ZNF676: variants seen among roughly 807,000 people sequenced by gnomAD.
ZNF676 encodes the protein zinc finger protein 676.
In ZNF676, 4 loss-of-function variants were observed where a neutral mutation model predicts 6.0. That is an observed-to-expected ratio of 0.67 (90% CI 0.33 to 1.53). The LOEUF (loss-of-function observed/expected upper bound fraction) is 1.53. ZNF676 is among the 40% of genes most tolerant of loss of function. ZNF676 has a pLI of 0.06. For missense variants in ZNF676, 644 were observed against 679.7 expected, an observed-to-expected ratio of 0.95 and a Z score of 0.58; for synonymous variants, 198 against 223.1, an observed-to-expected ratio of 0.89 and a Z score of 1.00.
At chr19:22,216,716 T>C (rs2024195450), upstream of ZNF676, among the ~76,000 whole-genome samples, 1 of 151,626 alleles carries the variant, frequency 6.6e-6, no homozygotes, top group South Asian at 2.1e-4. Flanking sequence ...CCTCCCTCTC[T>C]GGGTTCAAGC....
chr19:22,212,455 CT>C (rs1041227010), intron 1 of ZNF676, among the ~76,000 whole-genome samples: 33 of 152,140 alleles, frequency 2.2e-4, no homozygotes, highest in African/African-American at 7.7e-4. Context: ...AATCCCAGCA[CT>C]TTGGGAGGCC....
the ZNF676 span, among the ~76,000 whole-genome samples, chr19:22,241,447 T>C: frequency 1.4e-4 from 22 of 151,972 alleles, no homozygotes; most frequent in African/African-American, 5.1e-4. Flanking sequence ...CACCTATGGA[T>C]CAGAGCCACA....
intron 2 of ZNF676, among the ~76,000 whole-genome samples, chr19:22,185,326 T>A (rs954937707): frequency 6.6e-6 from 1 of 151,966 alleles, no homozygotes; most frequent in Non-Finnish European, 1.5e-5. Flanking sequence ...AAGCAACATC[T>A]ACAAAAAGGA....
intron 1 of ZNF676, among the ~76,000 whole-genome samples, chr19:22,210,091 T>A (rs2024114709): frequency 1.3e-5 from 2 of 152,118 alleles, no homozygotes; most frequent in Non-Finnish European, 2.9e-5. Context: ...AGACCTGGAA[T>A]CAAAGAACAA....
intron 1 of ZNF676, among the ~76,000 whole-genome samples, chr19:22,194,790 G>T (rs2023949985): frequency 6.6e-6 from 1 of 152,022 alleles, no homozygotes; most frequent in African/African-American, 2.4e-5. Context: ...CCCAGTTCAG[G>T]CCACAACCCC....
chr19:22,236,916 C>T, the ZNF676 span, among the ~76,000 whole-genome samples: 1 of 152,176 alleles, frequency 6.6e-6, no homozygotes, highest in Non-Finnish European at 1.5e-5. Context: ...TGAGTGCCAC[C>T]ACTTGGCCCC....
upstream of ZNF676, among the ~76,000 whole-genome samples, chr19:22,197,245 C>A (rs1181597453): frequency 6.6e-6 from 1 of 151,634 alleles, no homozygotes; most frequent in African/African-American, 2.4e-5. Context: ...TTGCTTGAAC[C>A]CAGGAGGCGG....
the ZNF676 span, among the ~76,000 whole-genome samples, chr19:22,225,812 T>G: frequency 6.6e-6 from 1 of 152,188 alleles, no homozygotes; most frequent in South Asian, 2.1e-4. Flanking sequence ...TTGTTCAGTT[T>G]TAAGAGTTGC....
chr19:22,181,669 T>C, intron 2 of ZNF676, 83 bp from the exon 3 acceptor site: 2 of 1,084,602 alleles, frequency 1.8e-6, no homozygotes, highest in African/African-American at 3.2e-5. Flanking sequence ...ATAAAATTAT[T>C]CAAACTACAT....
chr19:22,230,991 A>C, the ZNF676 span, among the ~76,000 whole-genome samples: 1 of 152,078 alleles, frequency 6.6e-6, no homozygotes, highest in African/African-American at 2.4e-5. Context: ...TCTTGGATAG[A>C]TATTCACATA....
rs779894156 is a variant in ZNF676, at chr19:22,180,342, T to C, written c.1375A>G (p.Thr459Ala). The C allele has an allele frequency of 1.2e-6, 2 of 1,614,020 alleles. No homozygotes were observed. Among genetic ancestry groups the C allele is most frequent in the African/African-American group, 1.3e-5 (1 of 75,046 alleles). ...TGTTTAGTAAAGCTTGAGGACCAGG[T>C]GAAGGCTTTGCCACATTCTTCACAT... The part of the protein sequence containing the change: ...YKCEECGKAF[T>A]WSSSFTKHKR... The change falls in exon 3 of 3, where the codon ACC becomes GCC. Residue 459 changes from threonine (T) to alanine (A), a missense_variant. Physicochemically the swap from Thr to Ala is moderately conservative, Grantham distance 58. This residue lies in a region of ZNF676 where 306 missense variants were observed against 265.4 expected (regional missense o/e 1.15). Transcript: ENST00000397121.
At chr19:22,247,531 T>G in the ZNF676 span, among the ~76,000 whole-genome samples, 12 of 150,468 alleles carry the variant, frequency 8.0e-5, no homozygotes, top group Admixed American at 2.0e-4. Context: ...ACCATTGCAC[T>G]CCAGCCTGGG....
chr19:22,182,914 T>C (rs1463675481), intron 2 of ZNF676, among the ~76,000 whole-genome samples: 1 of 152,090 alleles, frequency 6.6e-6, no homozygotes. Context: ...CTCTAACATT[T>C]GAGAGATAAA....
chr19:22,191,725 G>A (rs1407671322), intron 2 of ZNF676, among the ~76,000 whole-genome samples: 3 of 152,160 alleles, frequency 2.0e-5, no homozygotes, highest in Non-Finnish European at 4.4e-5. Context: ...AATTACAACT[G>A]CCCAAGCCCC....
At chr19:22,187,796 T>C (rs557653912) in intron 2 of ZNF676, among the ~76,000 whole-genome samples, 2 of 152,112 alleles carry the variant, frequency 1.3e-5, no homozygotes, top group East Asian at 1.9e-4. Flanking sequence ...CCAGGACACA[T>C]ACACCCTCCC....
chr19:22,192,938 C>T, intron 2 of ZNF676, 78 bp downstream of exon 2: 1 of 1,386,710 alleles, frequency 7.2e-7, no homozygotes, highest in Non-Finnish European at 9.5e-7. Flanking sequence ...AACACAGCTT[C>T]CCAAATGACT....
At position 22,180,550 on chromosome 19, in the gene ZNF676, T is replaced by C. The variant is rs752407632; in HGVS notation, c.1167A>G (p.Glu389=). The change falls in exon 3 of 3, where the codon GAA becomes GAG. Residue 389 remains glutamate (E), a synonymous_variant. Transcript: ENST00000397121. ...TLNTHKAIHA[E]EKPYKCEECG... is the part of the protein sequence containing the mutation. ...ATTCTTCACATTTGTAGGGCTTCTC[T>C]TCAGCATGAATTGCCTTATGTGTAT... 8 of 1,612,958 alleles carry C rather than the reference T, an allele frequency of 5.0e-6. No homozygotes were observed. In the East Asian group the frequency reaches 1.6e-4, roughly 32 times the overall value.
chr19:22,215,980 G>A (rs552085139), upstream of ZNF676, among the ~76,000 whole-genome samples: 1 of 152,284 alleles, frequency 6.6e-6, no homozygotes, highest in South Asian at 2.1e-4. Flanking sequence ...TCCCTGAGCT[G>A]AGCCAGGCCT....
the ZNF676 span, among the ~76,000 whole-genome samples, chr19:22,226,038 GT>G: frequency 4.0e-5 from 6 of 151,038 alleles, no homozygotes; most frequent in Non-Finnish European, 8.9e-5. Flanking sequence ...TTTTCTCCAT[GT>G]TTTTTTAAGA....
Sources: gnomAD v4.1 joint callset for allele counts (sites outside exome capture counted in the v4.1 genomes callset) on GRCh38, gnomAD v4.1.1 for gene constraint, gnomAD v4.1.1 regional missense constraint, MANE v1.5 for transcripts, NCBI Gene and HGNC (gene_info 2026-07-23, HGNC 2026-07-21) for gene names.